Variants in DTNA observed in about 807,000 individuals in gnomAD.
The protein encoded by DTNA is dystrophin-related protein 3.
In DTNA, 43 loss-of-function variants were observed where a neutral mutation model predicts 100.7. The ratio of observed to expected loss-of-function variants is 0.43; its 90% confidence interval spans 0.33 to 0.55. The LOEUF is 0.55. Among genes scored for constraint, DTNA ranks in the 20% least tolerant of loss-of-function variants. The pLI, the probability that DTNA is intolerant of heterozygous loss-of-function variation, is 0.04. For missense variants in DTNA, 798 were observed against 953.9 expected (o/e 0.84, Z 2.15); for synonymous variants, 349 against 347.9 (o/e 1.00, Z -0.04).
intron 1 of DTNA, among the ~76,000 whole-genome samples, chr18:34,675,645 C>G (rs914236077): frequency 4.6e-5 from 7 of 152,082 alleles, no homozygotes; most frequent in African/African-American, 1.7e-4. Context: ...GTATTTCACC[C>G]TACCTTGTTT....
chr18:34,666,362 T>G (rs1212029147), intron 1 of DTNA, among the ~76,000 whole-genome samples: 1 of 152,034 alleles, frequency 6.6e-6, no homozygotes, highest in Non-Finnish European at 1.5e-5. Context: ...TTTCTCCCAT[T>G]CTGTAGGTTG....
chr18:34,517,460 C>CGTGTGTGTGTGTGT lies in DTNA; in HGVS notation c.-2+23961_-2+23974dup, dbSNP rs1199695756. On this transcript the variant is annotated intron_variant, in intron 1 of 19. Transcript: ENST00000283365. Reference sequence around the variant, plus strand: ...TCAGATTTAATAAGTTTTATATACACGTGTGTGTGTGTGTGTGTGTGTGTG... The same window carrying CGTGTGTGTGTGTGT: ...TCAGATTTAATAAGTTTTATATACACGTGTGTGTGTGTGTGTGTGTGTGTGTGTGTGTGTGTGTG... 8.3e-3 allele frequency among the ~76,000 whole-genome samples: 1,237 copies of CGTGTGTGTGTGTGT among 148,980 alleles called. 9 individuals carry two copies. The highest frequency in any genetic ancestry group is 0.026 in the African/African-American group (1,035 of 40,358).
intron 1 of DTNA, among the ~76,000 whole-genome samples, chr18:34,742,601 G>T (rs985610286): frequency 2.8e-4 from 10 of 35,676 alleles, no homozygotes; most frequent in African/African-American, 6.7e-4. Flanking sequence ...AATTTGGGGG[G>T]GTTAAGATGT....
intron 9 of DTNA, 160 bp downstream of exon 9, chr18:34,821,075 T>C: frequency 9.3e-7 from 1 of 1,080,694 alleles, no homozygotes; most frequent in Non-Finnish European, 1.4e-6. Context: ...TTTGTTGTTG[T>C]TGAGGTGTAC....
At chr18:34,518,672 T>G (rs2041882486) in intron 1 of DTNA, among the ~76,000 whole-genome samples, 1 of 133,844 alleles carries the variant, frequency 7.5e-6, no homozygotes, top group Non-Finnish European at 1.6e-5. Flanking sequence ...TCTTCAATTT[T>G]GACTTACCGT....
rs1286382377 is a variant in DTNA at position 34,889,781 on chromosome 18, C to A, written c.*2047C>A. ...TCCAGAGAACTCACCTGACAAATGT[C>A]TCTGAGCACAGGCTGACACCAAAGT... On this transcript the variant is annotated 3_prime_UTR_variant, in exon 23 of 23. Transcript: ENST00000444659. 5.1e-6 allele frequency: 5 copies of A among 986,846 alleles called. No individual in the cohort carries two copies. In the African/African-American group the frequency reaches 7.0e-5, roughly 14 times the overall value. 61.1% of individuals were successfully genotyped at this position (986,846 alleles called of 1,614,324 possible).
intron 1 of DTNA, among the ~76,000 whole-genome samples, chr18:34,673,276 T>G (rs916472263): frequency 9.9e-5 from 15 of 151,898 alleles, no homozygotes; most frequent in African/African-American, 3.4e-4. Context: ...AGTATTATTA[T>G]TATTATTTTT....
intron 1 of DTNA, among the ~76,000 whole-genome samples, chr18:34,722,058 T>TA (rs977803566): frequency 6.6e-6 from 1 of 152,016 alleles, no homozygotes; most frequent in African/African-American, 2.4e-5. Context: ...CTAAAATGTT[T>TA]AAAAAAAGTC....
At chr18:34,499,174 A>G (rs1431326592) in intron 1 of DTNA, among the ~76,000 whole-genome samples, 1 of 152,194 alleles carries the variant, frequency 6.6e-6, no homozygotes. Flanking sequence ...GCAATCATTA[A>G]TATGTTCTCT....
chr18:34,602,181 A>G (rs1377627787), intron 1 of DTNA, among the ~76,000 whole-genome samples: 1 of 152,228 alleles, frequency 6.6e-6, no homozygotes, highest in African/African-American at 2.4e-5. Context: ...AAACTCAGGA[A>G]TTCAAAGATT....
intron 1 of DTNA, among the ~76,000 whole-genome samples, chr18:34,591,943 C>A (rs927784490): frequency 2.0e-5 from 3 of 152,052 alleles, no homozygotes; most frequent in African/African-American, 7.2e-5. Context: ...TGGTATTGCC[C>A]TAGATATGAT....
chr18:34,810,852 A>C (rs2095472627), intron 5 of DTNA, among the ~76,000 whole-genome samples: 1 of 152,212 alleles, frequency 6.6e-6, no homozygotes, highest in African/African-American at 2.4e-5. Context: ...GAATCTCTAC[A>C]GTCTCATGGT....
intron 1 of DTNA, among the ~76,000 whole-genome samples, chr18:34,611,569 T>C (rs1394134598): frequency 6.6e-6 from 1 of 152,152 alleles, no homozygotes; most frequent in Admixed American, 6.5e-5. Flanking sequence ...CCAGGCATAC[T>C]CTGTAGCACC....
chr18:34,888,344 CA>C lies in DTNA; in HGVS notation c.*613del. The C allele has an allele frequency of 1.0e-6, 1 of 985,750 alleles. No individual in the cohort carries two copies. Among genetic ancestry groups the C allele is most frequent in the Non-Finnish European group, 1.2e-6 (1 of 829,922 alleles). The allele number at this position is 985,750 out of a possible 1,614,324, so 61.1% of individuals were successfully genotyped here. On this transcript the variant is annotated 3_prime_UTR_variant, in exon 23 of 23. Transcript: ENST00000444659. ...CTGAAGAATTTGGTTCCTGAGTGTA[CA>C]AACTCAGAGCCCGGAAGCCAAGAAG...
chr18:34,837,632 A>C lies in DTNA; in HGVS notation c.1176-462A>C, dbSNP rs186155308. Among the ~76,000 whole-genome samples the C allele has an allele frequency of 2.1e-4, 32 of 152,322 alleles. No individual in the cohort carries two copies. In the East Asian group the frequency reaches 5.8e-3, roughly 28 times the overall value. ...AGATCATGTGGCTTTTGCTTGGAGT[A>C]GTAAAACACTTCTAATATGAAGCAA... On this transcript the variant is annotated intron_variant, in intron 11 of 22. Coordinates refer to ENST00000444659, the MANE Select transcript of DTNA (RefSeq NM_001386795.1).
chr18:34,820,820 A>G lies in DTNA; in HGVS notation c.906A>G (p.Ala302=). The change falls in exon 9 of 23, where the codon GCA becomes GCG. Residue 302 remains alanine, a synonymous_variant. Coordinates refer to ENST00000444659, the MANE Select transcript of DTNA (RefSeq NM_001386795.1). ...CACCTGCTAAGAAGCTGACTAATGCATTAAGCAAGTCCCTGAGCTGTGCTT... is the reference window on the plus strand; with the variant it reads ...CACCTGCTAAGAAGCTGACTAATGCGTTAAGCAAGTCCCTGAGCTGTGCTT... The part of the protein sequence containing the change: ...WKSPAKKLTN[A]LSKSLSCASS... The G allele has an allele frequency of 6.2e-7, 1 of 1,614,180 alleles. No individual in the cohort carries two copies. The highest frequency in any genetic ancestry group is 8.5e-7 in the Non-Finnish European group (1 of 1,180,018).
chr18:34,544,158 G>A (rs185296518), intron 1 of DTNA, among the ~76,000 whole-genome samples: 139 of 152,170 alleles, frequency 9.1e-4, no homozygotes, highest in African/African-American at 3.1e-3. Context: ...GCCATCATCT[G>A]TGGCATCATT....
chr18:34,733,359 A>C (rs2088774855), intron 1 of DTNA, among the ~76,000 whole-genome samples: 1 of 152,238 alleles, frequency 6.6e-6, no homozygotes, highest in South Asian at 2.1e-4. Flanking sequence ...ATTAAGTAGG[A>C]ATGCAGTAGG....
chr18:34,586,829 T>G (rs2049186685), intron 1 of DTNA, among the ~76,000 whole-genome samples: 1 of 152,212 alleles, frequency 6.6e-6, no homozygotes, highest in South Asian at 2.1e-4. Flanking sequence ...CCTCTGTCCC[T>G]GGGATGAAGT....
Sources: gnomAD v4.1 joint callset for allele counts (sites outside exome capture counted in the v4.1 genomes callset) on GRCh38, gnomAD v4.1.1 for gene constraint, MANE v1.5 for transcripts, NCBI Gene and HGNC (gene_info 2026-07-23, HGNC 2026-07-21) for gene names.